The following KAZN variants were observed in gnomAD, a reference collection of about 807,000 sequenced individuals.
KAZN encodes kazrin.
Under a neutral mutation model 87.4 loss-of-function variants are expected in KAZN, and 40 were observed. That is an observed-to-expected ratio of 0.46 (90% CI 0.36 to 0.60). The LOEUF (loss-of-function observed/expected upper bound fraction) is 0.60, where lower values mean the gene tolerates loss of function less well. KAZN is among the 20% of genes least tolerant of loss of function. The pLI is 0.00. For synonymous variants in KAZN, 466 were observed against 458.3 expected (o/e 1.02, Z -0.22); for missense variants, 898 against 1,073.9 (o/e 0.84, Z 2.29).
rs80333621 is a variant in KAZN at position 14,344,604 on chromosome 1, C to A, written c.249+164012C>A. On this transcript the variant is annotated intron_variant, in intron 2 of 16. Coordinates refer to the KAZN transcript ENST00000636203. The stretch of plus-strand genomic sequence containing the variant: ...TCAAAAAAAGGATTAAAATATATAG[C>A]ATGTCAGATTGTGATAAATGCTATG... Among the ~76,000 whole-genome samples the A allele has an allele frequency of 6.6e-3, 1,006 of 152,152 alleles. 11 individuals are homozygous for A. Among genetic ancestry groups the A allele is most frequent in the African/African-American group, 0.023 (957 of 41,496 alleles).
chr1:14,982,245 A>ACC (rs1183287181), intron 2 of KAZN, among the ~76,000 whole-genome samples: 1 of 152,046 alleles, frequency 6.6e-6, no homozygotes, highest in Non-Finnish European at 1.5e-5. Context: ...CACACGCCTG[A>ACC]CCACTGTACC....
intron 2 of KAZN, among the ~76,000 whole-genome samples, chr1:14,470,126 A>G (rs960577016): frequency 3.3e-5 from 5 of 152,360 alleles, no homozygotes; most frequent in Middle Eastern, 3.4e-3. Context: ...GCGCTTGAGA[A>G]ATGTCCAAAG....
chr1:14,638,531 G>A (rs556776727), intron 1 of KAZN, among the ~76,000 whole-genome samples: 21 of 149,016 alleles, frequency 1.4e-4, no homozygotes, highest in African/African-American at 3.3e-4. Context: ...ATTGCACCAC[G>A]GCACTCCAGC....
At chr1:14,108,778 C>T (rs1644434706) in intron 1 of KAZN, among the ~76,000 whole-genome samples, 1 of 152,148 alleles carries the variant, frequency 6.6e-6, no homozygotes, top group Admixed American at 6.5e-5. Context: ...CAAGCATGCA[C>T]GTCCCATTTT....
chr1:14,577,555 A>G, intron 2 of KAZN, among the ~76,000 whole-genome samples: 1 of 152,210 alleles, frequency 6.6e-6, no homozygotes, highest in East Asian at 1.9e-4. Flanking sequence ...CAGCAAGATC[A>G]GGCTGCTGGG....
chr1:14,309,456 G>A (rs537663511), intron 2 of KAZN, among the ~76,000 whole-genome samples: 2 of 152,342 alleles, frequency 1.3e-5, no homozygotes, highest in South Asian at 4.2e-4. Flanking sequence ...ATGGGAGGAG[G>A]TCACAGCAGT....
intron 1 of KAZN, among the ~76,000 whole-genome samples, chr1:14,154,974 C>CTTCCTTCCTTCCTTCCTTCT (rs1187235848): frequency 6.6e-6 from 1 of 150,954 alleles, no homozygotes; most frequent in African/African-American, 2.4e-5. Context: ...TCCTTCCTTC[C>CTTCCTTCCTTCCTTCCTTCT]TTCCTTCCTT....
intron 1 of KAZN, among the ~76,000 whole-genome samples, chr1:13,952,349 A>G (rs1396150959): frequency 2.5e-4 from 11 of 43,790 alleles, no homozygotes; most frequent in Middle Eastern, 0.015. Flanking sequence ...TAATAATAAT[A>G]ATAATAATAA....
chr1:14,893,946 C>G (rs1654992283), intron 1 of KAZN, among the ~76,000 whole-genome samples: 1 of 152,064 alleles, frequency 6.6e-6, no homozygotes, highest in South Asian at 2.1e-4. Flanking sequence ...GCAGCCGGAG[C>G]CCGGCTCCAG....
At chr1:15,103,482 G>C (rs576433887) in intron 12 of KAZN, 22 bp downstream of exon 12, 1 of 1,503,756 alleles carries the variant, frequency 6.7e-7, no homozygotes, top group Non-Finnish European at 9.0e-7. Context: ...AGCGGAGGTC[G>C]GGGTGACTCT....
chr1:14,046,411 T>C (rs1642075309), intron 1 of KAZN, among the ~76,000 whole-genome samples: 1 of 140,866 alleles, frequency 7.1e-6, no homozygotes, highest in Non-Finnish European at 1.5e-5. Flanking sequence ...TATATAAATT[T>C]ATTACCAGAG....
intron 2 of KAZN, among the ~76,000 whole-genome samples, chr1:14,504,042 AC>A (rs1670417072): frequency 6.6e-6 from 1 of 152,162 alleles, no homozygotes; most frequent in African/African-American, 2.4e-5. Context: ...CCGAATTTTC[AC>A]ACCTCCTTAA....
rs563323738 is a variant in KAZN at position 14,619,474 on chromosome 1, G to C, written c.226+20251G>C. ...CCTCAGCCCCCAAAGCACTGGGATTGCAGTTGTGTGCCACTGTGCCAGGCA... is the reference window on the plus strand; with the variant it reads ...CCTCAGCCCCCAAAGCACTGGGATTCCAGTTGTGTGCCACTGTGCCAGGCA... On this transcript the variant is annotated intron_variant, in intron 1 of 14. Coordinates refer to ENST00000376030, the MANE Select transcript of KAZN (RefSeq NM_201628.3). Among the ~76,000 whole-genome samples, 262 of 152,292 alleles carry C rather than the reference G, an allele frequency of 1.7e-3. 3 individuals carry two copies. Among genetic ancestry groups the C allele is most frequent in the African/African-American group, 6.1e-3 (255 of 41,554 alleles).
chr1:14,812,507 T>C (rs61772302), intron 1 of KAZN, among the ~76,000 whole-genome samples: 5,690 of 152,220 alleles, frequency 0.037, 151 homozygotes, highest in African/African-American at 0.07. Flanking sequence ...TTTTCAAGCC[T>C]GGTGGGAATT....
At chr1:13,895,716 A>G (rs1639014265) in intron 1 of KAZN, among the ~76,000 whole-genome samples, 1 of 152,160 alleles carries the variant, frequency 6.6e-6, no homozygotes, top group Non-Finnish European at 1.5e-5. Flanking sequence ...CTAGGGGTTT[A>G]CAGCTGGGTG....
intron 2 of KAZN, among the ~76,000 whole-genome samples, chr1:14,466,871 A>C (rs576700687): frequency 6.6e-6 from 1 of 152,182 alleles, no homozygotes; most frequent in South Asian, 2.1e-4. Flanking sequence ...TGGGAGGCTG[A>C]GGCAGGAGAA....
intron 1 of KAZN, among the ~76,000 whole-genome samples, chr1:13,933,841 G>A (rs896030790): frequency 6.6e-6 from 1 of 152,182 alleles, no homozygotes; most frequent in Non-Finnish European, 1.5e-5. Context: ...CACATATCTG[G>A]TTAGTGGCAG....
intron 1 of KAZN, among the ~76,000 whole-genome samples, chr1:14,817,325 G>C (rs1196386659): frequency 1.3e-5 from 2 of 152,178 alleles, no homozygotes. Flanking sequence ...CTGGCCCATA[G>C]TGTGCCCTCT....
intron 2 of KAZN, among the ~76,000 whole-genome samples, chr1:14,514,402 TATATA>T (rs1379899641): frequency 6.2e-5 from 2 of 32,486 alleles, no homozygotes; most frequent in African/African-American, 2.4e-4. Context: ...TATATTTATA[TATATA>T]ATATATAAAT....
Sources: allele counts gnomAD v4.1 joint callset (sites outside exome capture counted in the v4.1 genomes callset), GRCh38; gene constraint gnomAD v4.1.1; transcripts MANE v1.5; gene names NCBI Gene and HGNC (gene_info 2026-07-23, HGNC 2026-07-21).